Variants in PTPRN2 observed in about 807,000 individuals in gnomAD.
The protein encoded by PTPRN2 is receptor-type tyrosine-protein phosphatase N2.
Under a neutral mutation model 118.8 loss-of-function variants are expected in PTPRN2, and 74 were observed. The observed-to-expected ratio is 0.62, with a 90% CI of 0.52 to 0.76. The LOEUF (loss-of-function observed/expected upper bound fraction) is 0.76, where lower values mean the gene tolerates loss of function less well. Ranked by LOEUF, PTPRN2 falls within the 30% of genes least tolerant of loss-of-function variation. The pLI is 0.00. For missense variants in PTPRN2, 1,481 were observed against 1,394.4 expected (o/e 1.06, Z -0.99); for synonymous variants, 641 against 608.0 (o/e 1.05, Z -0.80).
intron 21 of PTPRN2, among the ~76,000 whole-genome samples, chr7:157,566,570 A>C (rs1799495664): frequency 6.6e-6 from 1 of 152,214 alleles, no homozygotes; most frequent in Admixed American, 6.5e-5. Flanking sequence ...GGAGCAGGTC[A>C]AGAACAGGAG....
chr7:157,927,806 G>A (rs1799114115), intron 11 of PTPRN2, among the ~76,000 whole-genome samples: 1 of 152,068 alleles, frequency 6.6e-6, no homozygotes, highest in Non-Finnish European at 1.5e-5. Context: ...AACCCTCTGG[G>A]GTTTGTGACC....
chr7:158,395,313 G>C (rs1468624055), intron 2 of PTPRN2, among the ~76,000 whole-genome samples: 47 of 116,576 alleles, frequency 4.0e-4, no homozygotes, highest in South Asian at 1.5e-3. Context: ...GGCGAGGGGT[G>C]AGGGGCGAGG....
chr7:157,842,501 A>G (rs1375773428), intron 12 of PTPRN2, among the ~76,000 whole-genome samples: 14 of 130,986 alleles, frequency 1.1e-4, no homozygotes, highest in Non-Finnish European at 2.0e-4. Flanking sequence ...CGCAACCTCC[A>G]CCTCCCGTAT....
chr7:157,847,246 C>G (rs1426671684), intron 12 of PTPRN2, among the ~76,000 whole-genome samples: 2 of 132,404 alleles, frequency 1.5e-5, no homozygotes, highest in East Asian at 5.5e-4. Flanking sequence ...CCGATGTTTA[C>G]AGAGCCCTCT....
intron 13 of PTPRN2, among the ~76,000 whole-genome samples, chr7:157,656,939 C>A (rs1361777302): frequency 7.0e-6 from 1 of 143,046 alleles, no homozygotes; most frequent in Non-Finnish European, 1.5e-5. Flanking sequence ...ACACACACAC[C>A]ACACACATCA....
At chr7:158,333,638 T>A (rs1428390102) in intron 2 of PTPRN2, among the ~76,000 whole-genome samples, 2 of 150,234 alleles carry the variant, frequency 1.3e-5, no homozygotes, top group Non-Finnish European at 2.9e-5. Flanking sequence ...CAGACATCAC[T>A]CACACCCACA....
intron 3 of PTPRN2, among the ~76,000 whole-genome samples, chr7:158,307,245 T>A (rs141171034): frequency 2.0e-5 from 3 of 152,114 alleles, no homozygotes; most frequent in African/African-American, 7.2e-5. Context: ...GAAAATAGTG[T>A]CTCATCAAAT....
intron 2 of PTPRN2, among the ~76,000 whole-genome samples, chr7:158,443,411 C>T (rs1379818880): frequency 3.3e-5 from 5 of 152,362 alleles, no homozygotes; most frequent in African/African-American, 7.2e-5. Context: ...AATGAATCAA[C>T]GGAGAACTGA....
intron 1 of PTPRN2, among the ~76,000 whole-genome samples, chr7:158,572,734 G>A (rs1828115478): frequency 6.6e-6 from 1 of 152,066 alleles, no homozygotes; most frequent in African/African-American, 2.4e-5. Context: ...GACTCCCTTA[G>A]TCCACCACTA....
intron 18 of PTPRN2, among the ~76,000 whole-genome samples, chr7:157,577,070 C>T (rs982243023): frequency 1.3e-5 from 2 of 152,210 alleles, no homozygotes; most frequent in African/African-American, 4.8e-5. Flanking sequence ...TACTTTCTGT[C>T]TTTTGCATGT....
At chr7:157,571,522 C>A in intron 19 of PTPRN2, 29 bp from the exon 20 acceptor site, 1 of 1,546,560 alleles carries the variant, frequency 6.5e-7, no homozygotes, top group South Asian at 1.1e-5. Flanking sequence ...TAAAAATTAT[C>A]GTTGTGTACT....
chr7:158,355,870 G>A (rs1024896790), intron 2 of PTPRN2, among the ~76,000 whole-genome samples: 10 of 152,226 alleles, frequency 6.6e-5, no homozygotes, highest in African/African-American at 2.2e-4. Context: ...GTGGGGATGC[G>A]GGAAGGCTGT....
chr7:157,971,200 T>C (rs1362459247), intron 11 of PTPRN2, among the ~76,000 whole-genome samples: 1 of 152,240 alleles, frequency 6.6e-6, no homozygotes, highest in African/African-American at 2.4e-5. Flanking sequence ...TACTAAATAT[T>C]TGTACTTGTA....
In PTPRN2 at chr7:157,682,734, G is replaced by A. The variant is rs186491359; in HGVS notation, c.1992C>T (p.Ala664=). The change falls in exon 13 of 23, where the codon GCC becomes GCT. Residue 664 remains alanine (A), a synonymous_variant. Transcript: ENST00000389418. ...AAAAGTCTCCTCTTACCTGGTAGGC[G>A]GCAGTGGCATCTGCACCTGGGTCGC... is the stretch of plus-strand genomic sequence containing the variant. The part of the protein sequence containing the change: ...LGGDPGADAT[A]AYQELCRQRM... 35 of 1,613,270 alleles carry A rather than the reference G, an allele frequency of 2.2e-5. No individual in the cohort carries two copies. Among genetic ancestry groups the A allele is most frequent in the African/African-American group, 8.0e-5 (6 of 75,038 alleles).
At chr7:158,351,756 T>C (rs1807956163) in intron 2 of PTPRN2, among the ~76,000 whole-genome samples, 1 of 152,032 alleles carries the variant, frequency 6.6e-6, no homozygotes, top group Non-Finnish European at 1.5e-5. Context: ...CAGATATCAT[T>C]TTCATTCAGG....
chr7:158,256,829 A>C (rs1162401168), intron 3 of PTPRN2, among the ~76,000 whole-genome samples: 1 of 152,210 alleles, frequency 6.6e-6, no homozygotes, highest in Non-Finnish European at 1.5e-5. Flanking sequence ...TTTTCCCAAA[A>C]AATATAGTCT....
At chr7:158,316,604 A>G (rs1802342793) in intron 3 of PTPRN2, among the ~76,000 whole-genome samples, 1 of 152,048 alleles carries the variant, frequency 6.6e-6, no homozygotes, top group Non-Finnish European at 1.5e-5. Context: ...TCCCTCAGAC[A>G]CAGGAGGCAG....
At chr7:158,176,391 C>A (rs1021425375) in intron 5 of PTPRN2, among the ~76,000 whole-genome samples, 2 of 152,158 alleles carry the variant, frequency 1.3e-5, no homozygotes, top group Non-Finnish European at 2.9e-5. Flanking sequence ...CATGATTACC[C>A]ACATTTTGCA....
At chr7:157,712,567 A>C (rs1045778313) in intron 12 of PTPRN2, among the ~76,000 whole-genome samples, 1 of 152,076 alleles carries the variant, frequency 6.6e-6, no homozygotes, top group African/African-American at 2.4e-5. Context: ...CCTGACCAAC[A>C]TAGTGAAACC....
Sources: allele counts gnomAD v4.1 joint callset (sites outside exome capture counted in the v4.1 genomes callset), GRCh38; gene constraint gnomAD v4.1.1; transcripts MANE v1.5; gene names NCBI Gene and HGNC (gene_info 2026-07-23, HGNC 2026-07-21).